The following ANLN variants were observed in gnomAD, a reference collection of about 807,000 sequenced individuals.
ANLN encodes anillin.
In ANLN, 59 loss-of-function variants were observed where a neutral mutation model predicts 135.1. That is an observed-to-expected ratio of 0.44 (90% CI 0.35 to 0.54). The LOEUF is 0.54. Ranked by LOEUF, ANLN falls within the 20% of genes least tolerant of loss-of-function variation. ANLN has a pLI of 0.00. For missense variants in ANLN, 1,182 were observed against 1,340.0 expected (o/e 0.88, Z 1.84); for synonymous variants, 406 against 456.4 (o/e 0.89, Z 1.41).
Position 36,429,918 on chromosome 7 carries a change from G to A in ANLN, c.2883+2890G>A, listed in dbSNP as rs572980243. Among the ~76,000 whole-genome samples the A allele has an allele frequency of 1.1e-4, 16 of 152,204 alleles. No individual in the cohort carries two copies. In the East Asian group the frequency reaches 2.9e-3, roughly 28 times the overall value. On this transcript the variant is annotated intron_variant, in intron 20 of 23. Coordinates refer to ENST00000265748, the MANE Select transcript of ANLN (RefSeq NM_018685.5). ...TAAATAGCCAACCACATGATTGAGT[G>A]CAAAATCAAACCACTCAGTTTAATT... is the stretch of plus-strand genomic sequence containing the variant.
chr7:36,410,555 C>T lies in ANLN; in HGVS notation c.1138C>T (p.Arg380Cys), dbSNP rs201613256. ...IKPFLERFGE[R>C]CQEHSKESPA... ...GCCTTTCCTGGAACGCTTTGGAGAG[C>T]GTTGTCAAGAACATAGCAAAGAAAG... The change falls in exon 6 of 24, where the codon CGT (arginine) becomes TGT (cysteine). Residue 380 changes from arginine (R) to cysteine (C), a missense_variant. Transcript: ENST00000265748. 3.1e-5 allele frequency: 50 copies of T among 1,613,324 alleles called. No individual in the cohort carries two copies. Among genetic ancestry groups the T allele is most frequent in the Middle Eastern group, 1.6e-4 (1 of 6,078 alleles).
chr7:36,410,543 C>T lies in ANLN; in HGVS notation c.1126C>T (p.Arg376Cys), dbSNP rs559978701. Residue 376 changes from arginine (R) to cysteine (C), a missense_variant, in exon 6 of 24, where the codon CGC (arginine) becomes TGC (cysteine). By Grantham distance (180) the Arg-to-Cys change is radical. Around this residue, in one of 3 missense-constraint regions of ANLN, gnomAD observed 1,022 missense variants for 1,134.0 expected, o/e 0.90. Coordinates refer to ENST00000265748, the MANE Select transcript of ANLN (RefSeq NM_018685.5). ...AACAGGAATTAAGCCTTTCCTGGAACGCTTTGGAGAGCGTTGTCAAGAACA... is the reference window on the plus strand; with the variant it reads ...AACAGGAATTAAGCCTTTCCTGGAATGCTTTGGAGAGCGTTGTCAAGAACA... ...GGTGIKPFLE[R>C]FGERCQEHSK... 63 of 1,610,512 alleles carry T rather than the reference C, an allele frequency of 3.9e-5. 1 individual carries two copies. In the South Asian group the frequency reaches 5.0e-4, roughly 13 times the overall value.
At chr7:36,418,434 A>G (rs1006599208) in intron 9 of ANLN, among the ~76,000 whole-genome samples, 6 of 152,232 alleles carry the variant, frequency 3.9e-5, no homozygotes, top group African/African-American at 1.4e-4. Flanking sequence ...AACGAAAGAC[A>G]GTAACTAGGG....
At chr7:36,433,742 T>C (rs1414154035) in intron 20 of ANLN, among the ~76,000 whole-genome samples, 2 of 152,176 alleles carry the variant, frequency 1.3e-5, no homozygotes. Context: ...GCTTCATTTT[T>C]GATGGTTTCT....
At position 36,415,850 on chromosome 7, in the gene ANLN, G is replaced by C. The variant is rs564330661; in HGVS notation, c.1488G>C (p.Gln496His). Residue 496 changes from glutamine to histidine, a missense_variant, in exon 8 of 24, where the codon CAG (glutamine) becomes CAC (histidine). Gln to His is a conservative substitution (Grantham distance 24). Transcript: ENST00000265748. ...TAACAGAAAAGGTGACCGAAAACCA[G>C]ATACCAGCCAAAAATTCTAGTACAG... ...LPVTEKVTEN[Q>H]IPAKNSSTEP... The C allele has an allele frequency of 5.0e-6, 8 of 1,605,014 alleles. No individual in the cohort carries two copies. The highest frequency in any genetic ancestry group is 6.8e-6 in the Non-Finnish European group (8 of 1,177,118).
At chr7:36,428,134 G>C (rs975268045) in intron 20 of ANLN, among the ~76,000 whole-genome samples, 3 of 152,114 alleles carry the variant, frequency 2.0e-5, no homozygotes, top group Admixed American at 6.5e-5. Flanking sequence ...TCTTTTAGTT[G>C]ATGGACAAAA....
Position 36,422,818 on chromosome 7 carries a change from G to T in ANLN, c.2476+9G>T. On this transcript the variant is annotated intron_variant, in intron 14 of 23. Transcript: ENST00000265748. ...TACGGTTCAGAAACCAGGTATGGTGGTGATTTTTCTAGATTGTGTGTTAAA... is the reference window on the plus strand; with the variant it reads ...TACGGTTCAGAAACCAGGTATGGTGTTGATTTTTCTAGATTGTGTGTTAAA... 6.3e-7 allele frequency: 1 copy of T among 1,585,212 alleles called. No homozygotes were observed. The highest frequency in any genetic ancestry group is 8.5e-7 in the Non-Finnish European group (1 of 1,169,858).
chr7:36,421,828 A>T, intron 12 of ANLN, 29 bp from the exon 13 acceptor site: 1 of 1,569,606 alleles, frequency 6.4e-7, no homozygotes, highest in Non-Finnish European at 8.6e-7. Flanking sequence ...AAATGTGTAT[A>T]TTTTTTCTCC....
intron 21 of ANLN, among the ~76,000 whole-genome samples, chr7:36,439,771 G>A (rs1788690828): frequency 6.6e-6 from 1 of 152,248 alleles, no homozygotes; most frequent in Non-Finnish European, 1.5e-5. Context: ...CATGCAGACA[G>A]TGGAAGGTAT....
At chr7:36,443,494 C>T (rs1317654097) in intron 21 of ANLN, among the ~76,000 whole-genome samples, 3 of 151,800 alleles carry the variant, frequency 2.0e-5, no homozygotes, top group African/African-American at 2.4e-5. Flanking sequence ...TTTTAAAAGT[C>T]TTAAAGTAGG....
rs541400988 is a variant in ANLN, at chr7:36,389,888, G to A, written c.-139G>A. ...AGTCCGTCACTGGAAGCCGAGAGGA[G>A]AGGACAGCTGGTTGTGGGAGAGTTC... On this transcript the variant is annotated 5_prime_UTR_variant, in exon 1 of 24. Coordinates refer to ENST00000265748, the MANE Select transcript of ANLN (RefSeq NM_018685.5). The A allele has an allele frequency of 7.4e-6, 11 of 1,487,086 alleles. No individual in the cohort carries two copies. The South Asian group carries it at 1.3e-4, about 17-fold the overall frequency. 92.1% of individuals were successfully genotyped at this position (1,487,086 alleles called of 1,614,324 possible).
At chr7:36,399,480 G>A in intron 3 of ANLN, 87 bp downstream of exon 3, 2 of 1,190,230 alleles carry the variant, frequency 1.7e-6, no homozygotes, top group South Asian at 1.6e-5. Context: ...GTTAACTCAT[G>A]AAAAATAAAT....
In ANLN at chr7:36,389,956, C is replaced by G. The variant is rs1370733539; in HGVS notation, c.-71C>G. On this transcript the variant is annotated 5_prime_UTR_variant, in exon 1 of 24. Coordinates refer to ENST00000265748, the MANE Select transcript of ANLN (RefSeq NM_018685.5). ...GGTTTTTTCCAGGAGACACACTGAG[C>G]TGAGACTCACTTTTCTCTTCCTGAA... 6.2e-7 allele frequency: 1 copy of G among 1,613,930 alleles called. No individual in the cohort carries two copies.
chr7:36,392,827 C>T, intron 1 of ANLN, among the ~76,000 whole-genome samples: 1 of 151,966 alleles, frequency 6.6e-6, no homozygotes, highest in Admixed American at 6.6e-5. Flanking sequence ...GACAAAATCA[C>T]ATTCTTTTGT....
intron 6 of ANLN, 96 bp from the exon 7 acceptor site, chr7:36,410,963 A>G: frequency 1.7e-6 from 2 of 1,159,840 alleles, no homozygotes; most frequent in Non-Finnish European, 2.4e-6. Context: ...AACTTTTTAA[A>G]CAGTTTAAAA....
chr7:36,428,451 T>C (rs1321001981), intron 20 of ANLN: 1 of 637,292 alleles, frequency 1.6e-6, no homozygotes, highest in Admixed American at 3.2e-5. Flanking sequence ...TAACTATCTT[T>C]TTGTTTACTT....
intron 21 of ANLN, among the ~76,000 whole-genome samples, chr7:36,440,970 G>A (rs535774908): frequency 2.6e-4 from 39 of 152,122 alleles, no homozygotes; most frequent in Non-Finnish European, 4.0e-4. Flanking sequence ...GGAAAGCCCG[G>A]TGGTCTAAGT....
At chr7:36,435,237 C>T (rs1240002149) in intron 20 of ANLN, among the ~76,000 whole-genome samples, 7 of 152,146 alleles carry the variant, frequency 4.6e-5, no homozygotes, top group Non-Finnish European at 7.3e-5. Context: ...GGGACATTTC[C>T]ATCACTCCCA....
At chr7:36,443,649 A>T in intron 21 of ANLN, 106 bp from the exon 22 acceptor site, 2 of 641,058 alleles carry the variant, frequency 3.1e-6, no homozygotes, top group Middle Eastern at 3.0e-4. Context: ...AGGTTTTGAG[A>T]TATGAAATAT....
Sources: allele counts gnomAD v4.1 joint callset (sites outside exome capture counted in the v4.1 genomes callset), GRCh38; gene constraint gnomAD v4.1.1; regional missense constraint gnomAD v4.1.1; transcripts MANE v1.5; gene names NCBI Gene and HGNC (gene_info 2026-07-23, HGNC 2026-07-21).